The following WDR43 variants were observed in gnomAD, a reference collection of about 807,000 sequenced individuals.
WDR43 encodes the protein WD repeat-containing protein 43.
Under a neutral mutation model 91.4 loss-of-function variants are expected in WDR43, and 13 were observed. The ratio of observed to expected loss-of-function variants is 0.14; its 90% CI spans 0.09 to 0.23. The LOEUF is 0.23. WDR43 is among the 10% of genes least tolerant of loss of function. The pLI, the probability that WDR43 is intolerant of heterozygous loss-of-function variation, is 1.00. For missense variants in WDR43, 780 were observed against 809.4 expected, an observed-to-expected ratio of 0.96 and a Z score of 0.44; for synonymous variants, 331 against 287.9, an observed-to-expected ratio of 1.15 and a Z score of -1.51.
intron 8 of WDR43, among the ~76,000 whole-genome samples, chr2:28,926,197 A>G (rs1671137197): frequency 6.6e-6 from 1 of 152,222 alleles, no homozygotes; most frequent in African/African-American, 2.4e-5. Context: ...TTAAAAAATA[A>G]ATGTGAAAAA....
At chr2:28,923,339 T>C (rs1671071770) in intron 7 of WDR43, among the ~76,000 whole-genome samples, 1 of 152,200 alleles carries the variant, frequency 6.6e-6, no homozygotes, top group Non-Finnish European at 1.5e-5. Context: ...GTTGTTTTGA[T>C]AGACAGGGGA....
rs373762208 is a variant in WDR43 at position 28,895,018 on chromosome 2, T to G, written c.225+95T>G. ...CGCGTGGTCCGGCATCGCGCGTGGCTCTCAGCGGCCCGGGCCAGAAGGCTT... is the reference window on the plus strand; with the variant it reads ...CGCGTGGTCCGGCATCGCGCGTGGCGCTCAGCGGCCCGGGCCAGAAGGCTT... On this transcript the variant is annotated intron_variant, in intron 1 of 17. Transcript: ENST00000407426. The G allele has an allele frequency of 2.8e-5, 35 of 1,269,092 alleles. No individual in the cohort carries two copies. In the East Asian group the frequency reaches 2.8e-4, roughly 10 times the overall value. The allele number at this position is 1,269,092 out of a possible 1,614,324, so 78.6% of individuals were successfully genotyped here. A position where few individuals can be genotyped will look rare whatever the true frequency, so the allele number is the denominator to read the frequency against.
chr2:28,912,998 G>A (rs1253371865), intron 4 of WDR43, among the ~76,000 whole-genome samples: 2 of 145,290 alleles, frequency 1.4e-5, no homozygotes, highest in Non-Finnish European at 1.5e-5. Flanking sequence ...TGTCACCCAG[G>A]CTGGAGTGCA....
chr2:28,922,438 A>G (rs190829865), intron 6 of WDR43, among the ~76,000 whole-genome samples: 3 of 152,280 alleles, frequency 2.0e-5, no homozygotes, highest in African/African-American at 7.2e-5. Flanking sequence ...TTGATAGTGA[A>G]TGGAGGGAGA....
intron 10 of WDR43, among the ~76,000 whole-genome samples, chr2:28,928,622 A>C (rs1671187482): frequency 6.6e-6 from 1 of 152,202 alleles, no homozygotes; most frequent in African/African-American, 2.4e-5. Context: ...AGAACATGTT[A>C]GACTTGATTT....
At chr2:28,910,020 T>C (rs1670759474) in intron 3 of WDR43, among the ~76,000 whole-genome samples, 1 of 152,204 alleles carries the variant, frequency 6.6e-6, no homozygotes, top group South Asian at 2.1e-4. Context: ...AGAGAGGAAT[T>C]TTTTCATCTA....
intron 14 of WDR43, among the ~76,000 whole-genome samples, chr2:28,938,900 C>T (rs1452512795): frequency 1.3e-5 from 2 of 151,942 alleles, no homozygotes; most frequent in Admixed American, 6.6e-5. Flanking sequence ...CCTGGGAACA[C>T]TGATGAGAGG....
intron 12 of WDR43, among the ~76,000 whole-genome samples, chr2:28,936,358 G>A (rs1011009427): frequency 1.3e-5 from 2 of 151,980 alleles, no homozygotes; most frequent in Non-Finnish European, 2.9e-5. Context: ...GTATAGTTAC[G>A]GTATTAACAG....
At chr2:28,940,261 C>T (rs1001504576) in intron 14 of WDR43, among the ~76,000 whole-genome samples, 4 of 150,260 alleles carry the variant, frequency 2.7e-5, no homozygotes, top group Non-Finnish European at 4.4e-5. Flanking sequence ...CGGAGTTTTG[C>T]TCTTGTTGCC....
chr2:28,933,148 T>C (rs1318088426), intron 11 of WDR43, among the ~76,000 whole-genome samples: 1 of 152,114 alleles, frequency 6.6e-6, no homozygotes, highest in Non-Finnish European at 1.5e-5. Flanking sequence ...AAACCTATCC[T>C]AAAATTTATG....
chr2:28,938,446 G>A (rs1671374258), intron 14 of WDR43, among the ~76,000 whole-genome samples: 1 of 114,680 alleles, frequency 8.7e-6, no homozygotes, highest in African/African-American at 2.9e-5. Flanking sequence ...GTCAGCTCTT[G>A]ATTACCTATG....
At chr2:28,916,898 ATATCT>A (rs777426721) in intron 5 of WDR43, among the ~76,000 whole-genome samples, 23 of 151,954 alleles carry the variant, frequency 1.5e-4, no homozygotes, top group Middle Eastern at 6.8e-3. Context: ...CTATTTAAAG[ATATCT>A]TATTTAATGC....
intron 13 of WDR43, among the ~76,000 whole-genome samples, chr2:28,937,277 T>C (rs533872646): frequency 6.6e-6 from 1 of 152,342 alleles, no homozygotes; most frequent in South Asian, 2.1e-4. Flanking sequence ...TGTAAAAATA[T>C]GTTTTAGCTA....
intron 1 of WDR43, among the ~76,000 whole-genome samples, chr2:28,901,560 A>G (rs6547887): frequency 0.91 from 137,640 of 151,934 alleles, 62,452 homozygotes; most frequent in Non-Finnish European, 0.94. Flanking sequence ...ATTAGGAGAG[A>G]TAAAGGAGAG....
chr2:28,934,553 C>T (rs1019971299), intron 11 of WDR43, among the ~76,000 whole-genome samples: 3 of 152,068 alleles, frequency 2.0e-5, no homozygotes, highest in Non-Finnish European at 4.4e-5. Flanking sequence ...GAGGCTGACT[C>T]CTCTGTTTAT....
chr2:28,918,547 T>G (rs1408464491), intron 6 of WDR43, among the ~76,000 whole-genome samples: 1 of 151,988 alleles, frequency 6.6e-6, no homozygotes, highest in East Asian at 1.9e-4. Context: ...TTTGTATTTT[T>G]TAGTAGAGAT....
intron 2 of WDR43, among the ~76,000 whole-genome samples, chr2:28,905,272 G>A (rs1280022928): frequency 6.6e-6 from 1 of 152,174 alleles, no homozygotes; most frequent in African/African-American, 2.4e-5. Context: ...TTGCAGTGTG[G>A]GTGATTTAGC....
In WDR43 at chr2:28,894,902, G is replaced by A. The variant is rs767371864; in HGVS notation, c.204G>A (p.Ala68=). The change falls in exon 1 of 18, where the codon GCG becomes GCA. Residue 68 remains alanine (A), a synonymous_variant. Transcript: ENST00000407426. ...LSGTCTCLAW[A]PARLQAKESP... is the part of the protein sequence containing the mutation. The stretch of plus-strand genomic sequence containing the variant: ...GTACCTGCACCTGTCTGGCCTGGGC[G>A]CCAGCGCGGCTGCAGGCCAAGGTAA... 4.4e-6 allele frequency: 7 copies of A among 1,597,474 alleles called. No individual in the cohort carries two copies. The South Asian group carries it at 7.9e-5, about 18-fold the overall frequency.
chr2:28,930,975 A>G (rs1366314280), intron 11 of WDR43, among the ~76,000 whole-genome samples: 1 of 152,124 alleles, frequency 6.6e-6, no homozygotes, highest in Non-Finnish European at 1.5e-5. Context: ...AAAAATAACC[A>G]TAATCCATTG....
Sources: gnomAD v4.1 joint callset for allele counts (sites outside exome capture counted in the v4.1 genomes callset) on GRCh38, gnomAD v4.1.1 for gene constraint, MANE v1.5 for transcripts, NCBI Gene and HGNC (gene_info 2026-07-23, HGNC 2026-07-21) for gene names.